The following SDK1 variants were observed in gnomAD, a reference collection of about 807,000 sequenced individuals.
SDK1 encodes protein sidekick-1.
In SDK1, 157 loss-of-function variants were observed where a neutral mutation model predicts 245.5. The ratio of observed to expected loss-of-function variants is 0.64; its 90% CI spans 0.56 to 0.73. The LOEUF is 0.73. Ranked by LOEUF, SDK1 falls within the 30% of genes least tolerant of loss-of-function variation. The probability of loss-of-function intolerance (pLI) is 0.00; values close to 1 mark genes in which losing one functional copy is unlikely to be tolerated. For missense variants in SDK1, 3,583 were observed against 3,002.3 expected, an observed-to-expected ratio of 1.19 and a Z score of -4.52; for synonymous variants, 1,647 against 1,278.5, an observed-to-expected ratio of 1.29 and a Z score of -6.15.
chr7:3,638,386 A>C (rs557455742), intron 2 of SDK1, among the ~76,000 whole-genome samples: 12 of 152,094 alleles, frequency 7.9e-5, no homozygotes, highest in African/African-American at 2.7e-4. Flanking sequence ...AACCAACCCA[A>C]ATGTCCCACA....
In SDK1 at chr7:3,763,123, A is replaced by G. The variant is rs189093402; in HGVS notation, c.714-58327A>G. 3.9e-3 allele frequency among the ~76,000 whole-genome samples: 591 copies of G among 152,328 alleles called. 2 individuals are homozygous for G. The highest frequency in any genetic ancestry group is 5.5e-3 in the Non-Finnish European group (377 of 68,030). On this transcript the variant is annotated intron_variant, in intron 4 of 44. Coordinates refer to ENST00000404826, the MANE Select transcript of SDK1 (RefSeq NM_152744.4). ...AAGCCTCCTTATTCCTGAGAAAGCC[A>G]TAAATTTCTTTTTCTTTAATAATGA... is the stretch of plus-strand genomic sequence containing the variant.
intron 1 of SDK1, among the ~76,000 whole-genome samples, chr7:3,426,530 T>C (rs758739304): frequency 2.0e-5 from 3 of 152,230 alleles, no homozygotes; most frequent in Non-Finnish European, 4.4e-5. Flanking sequence ...ACTGAGCTGA[T>C]ACATAGATGT....
chr7:4,182,723 G>A (rs553703472), intron 35 of SDK1, among the ~76,000 whole-genome samples: 1 of 152,290 alleles, frequency 6.6e-6, no homozygotes, highest in Non-Finnish European at 1.5e-5. Flanking sequence ...TCTTTCCATG[G>A]GGCTCCTTCC....
At chr7:3,771,367 G>T (rs1191219995) in intron 4 of SDK1, among the ~76,000 whole-genome samples, 6 of 152,148 alleles carry the variant, frequency 3.9e-5, no homozygotes, top group African/African-American at 1.4e-4. Context: ...GAGAGGAAAG[G>T]ACGTGCTTCC....
At chr7:3,958,822 G>A (rs1781457335) in intron 7 of SDK1, 109 bp from the exon 8 acceptor site, 7 of 876,210 alleles carry the variant, frequency 8.0e-6, no homozygotes, top group Non-Finnish European at 1.3e-5. Flanking sequence ...AACTAATGAT[G>A]AAATTTTCAA....
chr7:3,824,120 C>T (rs943212559), intron 5 of SDK1, among the ~76,000 whole-genome samples: 8 of 152,232 alleles, frequency 5.3e-5, no homozygotes, highest in Middle Eastern at 3.4e-3. Flanking sequence ...GACCTGGCCA[C>T]CCTGCTCCTG....
intron 25 of SDK1, among the ~76,000 whole-genome samples, chr7:4,118,436 A>G (rs1180175086): frequency 6.6e-6 from 1 of 152,228 alleles, no homozygotes; most frequent in Non-Finnish European, 1.5e-5. Context: ...AATAACAGGT[A>G]TTGGTGGGCA....
chr7:3,303,225 A>C (rs1325802447), intron 1 of SDK1, among the ~76,000 whole-genome samples: 2 of 152,232 alleles, frequency 1.3e-5, no homozygotes, highest in African/African-American at 2.4e-5. Context: ...AGCATTTATT[A>C]AGTCATTTTG....
chr7:3,965,520 CT>C (rs755008998), intron 9 of SDK1, among the ~76,000 whole-genome samples: 20 of 152,108 alleles, frequency 1.3e-4, no homozygotes, highest in Admixed American at 6.6e-4. Context: ...TTAAAATACC[CT>C]TAATGAAAGG....
chr7:3,343,896 T>G (rs1780421304), intron 1 of SDK1, among the ~76,000 whole-genome samples: 1 of 151,944 alleles, frequency 6.6e-6, no homozygotes, highest in African/African-American at 2.4e-5. Context: ...TCAGATCAGT[T>G]GAGACTAACA....
chr7:3,533,077 C>T (rs1044238479), intron 1 of SDK1, among the ~76,000 whole-genome samples: 1 of 152,166 alleles, frequency 6.6e-6, no homozygotes, highest in Non-Finnish European at 1.5e-5. Context: ...TGTATTAGAT[C>T]AGAAAGAAAA....
intron 5 of SDK1, among the ~76,000 whole-genome samples, chr7:3,897,055 T>C (rs947129295): frequency 5.0e-4 from 76 of 152,056 alleles, no homozygotes; most frequent in African/African-American, 1.7e-3. Flanking sequence ...AACAACCAGA[T>C]TTCGTGAGAA....
At chr7:3,500,138 A>G (rs557798623) in intron 1 of SDK1, among the ~76,000 whole-genome samples, 7 of 152,064 alleles carry the variant, frequency 4.6e-5, no homozygotes, top group East Asian at 1.9e-4. Flanking sequence ...CAACTTGTCT[A>G]TCGAGTCACA....
chr7:3,715,833 T>C (rs761735709), intron 4 of SDK1, among the ~76,000 whole-genome samples: 2 of 152,202 alleles, frequency 1.3e-5, no homozygotes, highest in Non-Finnish European at 1.5e-5. Flanking sequence ...GTGAGTCAGC[T>C]GTTGCAATTA....
intron 1 of SDK1, among the ~76,000 whole-genome samples, chr7:3,383,409 T>C (rs973083114): frequency 2.0e-5 from 3 of 152,232 alleles, no homozygotes; most frequent in Middle Eastern, 3.4e-3. Flanking sequence ...ACCCTGTTTC[T>C]ATTAAAAAAA....
At chr7:3,339,620 A>G (rs1443783350) in intron 1 of SDK1, among the ~76,000 whole-genome samples, 2 of 150,742 alleles carry the variant, frequency 1.3e-5, no homozygotes, top group African/African-American at 2.5e-5. Context: ...GGCAACAGGA[A>G]AATTTCTAAA....
chr7:3,489,896 A>T (rs1382848652), intron 1 of SDK1, among the ~76,000 whole-genome samples: 3 of 152,232 alleles, frequency 2.0e-5, no homozygotes, highest in African/African-American at 7.2e-5. Flanking sequence ...GTCACTAATG[A>T]GTCCTGTCAT....
chr7:4,088,040 GT>G (rs1224396476), intron 22 of SDK1, among the ~76,000 whole-genome samples: 1 of 152,068 alleles, frequency 6.6e-6, no homozygotes. Flanking sequence ...TGGCTCTCTG[GT>G]GGCTGTTATA....
At chr7:3,345,949 C>G (rs1780481026) in intron 1 of SDK1, among the ~76,000 whole-genome samples, 1 of 152,150 alleles carries the variant, frequency 6.6e-6, no homozygotes, top group Non-Finnish European at 1.5e-5. Context: ...TTATTCGGTT[C>G]TTGTTTTCTG....
Sources: gnomAD v4.1 joint callset for allele counts (sites outside exome capture counted in the v4.1 genomes callset) on GRCh38, gnomAD v4.1.1 for gene constraint, MANE v1.5 for transcripts, NCBI Gene and HGNC (gene_info 2026-07-23, HGNC 2026-07-21) for gene names.